IGFBP4: variants seen among roughly 807,000 people sequenced by gnomAD.
The protein encoded by IGFBP4 is insulin like growth factor binding protein 4.
Under a neutral mutation model 25.8 loss-of-function variants are expected in IGFBP4, and 9 were observed. The observed-to-expected ratio is 0.35, with a 90% CI of 0.21 to 0.61. The LOEUF (loss-of-function observed/expected upper bound fraction) is 0.61. Ranked by LOEUF, IGFBP4 falls within the 20% of genes least tolerant of loss-of-function variation. The pLI is 0.77. For missense variants in IGFBP4, 315 were observed against 365.3 expected, an observed-to-expected ratio of 0.86 and a Z score of 1.12; for synonymous variants, 153 against 153.9, an observed-to-expected ratio of 0.99 and a Z score of 0.05.
intron 1 of IGFBP4, among the ~76,000 whole-genome samples, chr17:40,446,787 C>A (rs182210180): frequency 2.6e-5 from 4 of 152,072 alleles, no homozygotes; most frequent in Non-Finnish European, 4.4e-5. Flanking sequence ...TGGAGAGAGA[C>A]GAGGGAAGCC....
At chr17:40,452,371 ACACT>A (rs950725229) in intron 1 of IGFBP4, among the ~76,000 whole-genome samples, 37 of 152,294 alleles carry the variant, frequency 2.4e-4, no homozygotes, top group Middle Eastern at 3.4e-3. Context: ...TGTTACACAC[ACACT>A]CACACACACA....
intron 1 of IGFBP4, 36 bp downstream of exon 1, chr17:40,444,120 T>TGC (rs1567799306): frequency 6.9e-7 from 1 of 1,458,866 alleles, no homozygotes; most frequent in Admixed American, 2.0e-5. Context: ...CCCTCCTGAG[T>TGC]GCGCTCCCTT....
rs769077728 is a variant in IGFBP4 at position 40,453,134 on chromosome 17, C to T, written c.499C>T (p.Arg167Trp). Reference sequence around the variant, plus strand: ...CAATGGGGCGCCCCGGGAGGATGCCCGGCCTGTGGTAAGGACCTCCGATGC... The same window carrying T: ...CAATGGGGCGCCCCGGGAGGATGCCTGGCCTGTGGTAAGGACCTCCGATGC... ...KVNGAPREDARPVPQGSCQSE... is the reference protein window; with the variant it reads ...KVNGAPREDAWPVPQGSCQSE... Residue 167 changes from arginine (R) to tryptophan (W), a missense_variant, in exon 2 of 4, where the codon CGG (arginine) becomes TGG (tryptophan). Transcript: ENST00000269593. This position sits in a 1 kb window ranked among gnomAD's most constrained non-coding sequence, Gnocchi z 4.0. The T allele has an allele frequency of 4.5e-6, 7 of 1,567,104 alleles. No homozygotes were observed. The highest frequency in any genetic ancestry group is 2.4e-5 in the South Asian group (2 of 84,136).
At position 40,453,117 on chromosome 17, in the gene IGFBP4, C is replaced by T. The variant is rs745961147; in HGVS notation, c.482C>T (p.Ala161Val). ...TSGGKMKVNG[A>V]PREDARPVPQ... The stretch of plus-strand genomic sequence containing the variant: ...GGGGGCAAGATGAAGGTCAATGGGG[C>T]GCCCCGGGAGGATGCCCGGCCTGTG... Residue 161 changes from alanine to valine, a missense_variant, in exon 2 of 4, where the codon GCG becomes GTG. Ala to Val is a moderately conservative substitution (Grantham distance 64). Coordinates refer to ENST00000269593, the MANE Select transcript of IGFBP4 (RefSeq NM_001552.3). This position sits in a 1 kb window ranked among gnomAD's most constrained non-coding sequence, Gnocchi z 4.0. The T allele has an allele frequency of 4.6e-5, 73 of 1,582,532 alleles. No homozygotes were observed. Among genetic ancestry groups the T allele is most frequent in the South Asian group, 4.6e-5 (4 of 86,148 alleles).
At chr17:40,445,397 G>T (rs957156762) in intron 1 of IGFBP4, among the ~76,000 whole-genome samples, 1 of 152,038 alleles carries the variant, frequency 6.6e-6, no homozygotes, top group Non-Finnish European at 1.5e-5. Context: ...TCTTTTCCTG[G>T]TGCTTGAAGC....
chr17:40,449,705 C>T (rs1389563514), intron 1 of IGFBP4, among the ~76,000 whole-genome samples: 2 of 151,128 alleles, frequency 1.3e-5, no homozygotes, highest in Non-Finnish European at 2.9e-5. Flanking sequence ...GCCGAGATCG[C>T]GCCACTGCAT....
At chr17:40,444,885 ACAC>A (rs2035632737) in intron 1 of IGFBP4, among the ~76,000 whole-genome samples, 8 of 13,690 alleles carry the variant, frequency 5.8e-4, no homozygotes, top group African/African-American at 1.0e-3. Flanking sequence ...AGAGAGAGAA[ACAC>A]ACACACACAC....
chr17:40,446,707 T>G (rs1341315316), intron 1 of IGFBP4, among the ~76,000 whole-genome samples: 1 of 152,206 alleles, frequency 6.6e-6, no homozygotes, highest in Non-Finnish European at 1.5e-5. Flanking sequence ...AGCCAAGGTC[T>G]GTAATGCCCC....
At chr17:40,449,520 A>G (rs1303950463) in intron 1 of IGFBP4, among the ~76,000 whole-genome samples, 1 of 152,134 alleles carries the variant, frequency 6.6e-6, no homozygotes, top group Non-Finnish European at 1.5e-5. Context: ...AGGCCGAGGC[A>G]GGTGGATCAC....
intron 3 of IGFBP4, 136 bp downstream of exon 3, chr17:40,454,198 C>A: frequency 7.9e-7 from 1 of 1,267,710 alleles, no homozygotes; most frequent in South Asian, 1.6e-5. Flanking sequence ...TGGAGCCTCC[C>A]TAAACCTACC....
intron 1 of IGFBP4, 129 bp from the exon 2 acceptor site, chr17:40,452,855 AG>A (rs2035692366): frequency 3.0e-6 from 2 of 660,850 alleles, no homozygotes; most frequent in South Asian, 5.8e-5. Flanking sequence ...CCCGCTCCCC[AG>A]GCCCCCTGCT....
In IGFBP4 at chr17:40,456,520, G is replaced by A. The variant is rs151291502; in HGVS notation, c.714G>A (p.Pro238=). The A allele has an allele frequency of 1.4e-4, 225 of 1,613,440 alleles. No homozygotes were observed. In the Middle Eastern group the frequency reaches 2.1e-3, roughly 15 times the overall value. The stretch of plus-strand genomic sequence containing the variant: ...ACCGGAAGACGGGGGTGAAGCTTCC[G>A]GGGGGCCTGGAGCCAAAGGGGGAGC... ...CVDRKTGVKL[P]GGLEPKGELD... The change falls in exon 4 of 4, where the codon CCG becomes CCA. Residue 238 remains proline (P), a synonymous_variant. Coordinates refer to ENST00000269593, the MANE Select transcript of IGFBP4 (RefSeq NM_001552.3).
rs370331055 is a variant in IGFBP4, at chr17:40,446,140, T to C, written c.349+2056T>C. 1.2e-4 allele frequency among the ~76,000 whole-genome samples: 16 copies of C among 132,510 alleles called. No individual in the cohort carries two copies. In the South Asian group the frequency reaches 3.5e-3, roughly 29 times the overall value. 86.9% of individuals were successfully genotyped at this position (132,510 alleles called of 152,430 possible). ...TGAGGCCAGGAGTTCGAGACCAGCCTGAGCAATATAGCCAGACCCCCGTCT... is the reference window on the plus strand; with the variant it reads ...TGAGGCCAGGAGTTCGAGACCAGCCCGAGCAATATAGCCAGACCCCCGTCT... On this transcript the variant is annotated intron_variant, in intron 1 of 3. Transcript: ENST00000269593.
At chr17:40,447,821 A>G (rs10305289) in intron 1 of IGFBP4, among the ~76,000 whole-genome samples, 594 of 152,218 alleles carry the variant, frequency 3.9e-3, no homozygotes, top group Non-Finnish European at 5.8e-3. Context: ...TGAAGTGATG[A>G]GGAAGATGGT....
rs780645543 is a variant in IGFBP4, at chr17:40,452,969, C to G, written c.350-16C>G. The stretch of plus-strand genomic sequence containing the variant: ...TCTTCCGGTGCTGACCTCTCCTTAT[C>G]GCTACCTGAATACAGACAAGGACGA... On this transcript the variant is annotated splice_polypyrimidine_tract_variant and intron_variant, in intron 1 of 3. Coordinates refer to ENST00000269593, the MANE Select transcript of IGFBP4 (RefSeq NM_001552.3). The G allele has an allele frequency of 6.7e-7, 1 of 1,493,306 alleles. No homozygotes were observed. The highest frequency in any genetic ancestry group is 1.3e-5 in the South Asian group (1 of 74,696). 92.5% of individuals were successfully genotyped at this position (1,493,306 alleles called of 1,614,324 possible).
chr17:40,444,806 A>G (rs2035631201), intron 1 of IGFBP4, among the ~76,000 whole-genome samples: 1 of 148,390 alleles, frequency 6.7e-6, no homozygotes, highest in South Asian at 2.2e-4. Flanking sequence ...CAGGAGCCTC[A>G]TGTGTGTGGG....
intron 3 of IGFBP4, among the ~76,000 whole-genome samples, chr17:40,454,420 C>G (rs867075459): frequency 6.6e-6 from 1 of 152,202 alleles, no homozygotes; most frequent in Non-Finnish European, 1.5e-5. Context: ...CTCATTCACT[C>G]TACTCTATTC....
intron 1 of IGFBP4, among the ~76,000 whole-genome samples, chr17:40,451,347 T>G (rs562203132): frequency 6.6e-6 from 1 of 152,358 alleles, no homozygotes; most frequent in Admixed American, 6.5e-5. Context: ...TTGGTGAATT[T>G]TATTAATAAC....
intron 1 of IGFBP4, among the ~76,000 whole-genome samples, chr17:40,446,786 A>AG (rs761325286): frequency 2.6e-5 from 4 of 151,942 alleles, no homozygotes; most frequent in Non-Finnish European, 4.4e-5. Context: ...CTGGAGAGAG[A>AG]CGAGGGAAGC....
Sources: allele counts gnomAD v4.1 joint callset (sites outside exome capture counted in the v4.1 genomes callset), GRCh38; gene constraint gnomAD v4.1.1; non-coding constraint Gnocchi (gnomAD v3.1); transcripts MANE v1.5; gene names NCBI Gene and HGNC (gene_info 2026-07-23, HGNC 2026-07-21).